Variants in CACNA1C observed in about 807,000 individuals in gnomAD.
CACNA1C encodes the protein voltage-dependent L-type calcium channel subunit alpha-1C.
Under a neutral mutation model 229.0 loss-of-function variants are expected in CACNA1C, and 30 were observed. The observed-to-expected ratio is 0.13, with a 90% CI of 0.10 to 0.18. The LOEUF (loss-of-function observed/expected upper bound fraction) is 0.18, where lower values mean the gene tolerates loss of function less well. Ranked by LOEUF, CACNA1C falls within the 10% of genes least tolerant of loss-of-function variation. CACNA1C has a pLI of 1.00. For missense variants in CACNA1C, 1,658 were observed against 2,845.0 expected (o/e 0.58, Z 9.49); for synonymous variants, 1,114 against 1,132.5 (o/e 0.98, Z 0.33).
Position 2,585,522 on chromosome 12 carries a change from C to A in CACNA1C, c.2460+26C>A. On this transcript the variant is annotated intron_variant, in intron 17 of 46. Coordinates refer to ENST00000399655, the MANE Select transcript of CACNA1C (RefSeq NM_000719.7). The surrounding 1 kb of genome is among the most constrained non-coding windows in gnomAD (Gnocchi z 4.1). ...GTGAGGAGCTGTCTCCTTCCTGGAG[C>A]TGTGAGGCCGGTGCTGGGGAGGGAG... The A allele has an allele frequency of 6.5e-7, 1 of 1,534,540 alleles. No individual in the cohort carries two copies. The highest frequency in any genetic ancestry group is 8.8e-7 in the Non-Finnish European group (1 of 1,137,500).
chr12:2,150,091 G>A (rs933678560), intron 3 of CACNA1C, among the ~76,000 whole-genome samples: 2 of 152,324 alleles, frequency 1.3e-5, no homozygotes, highest in East Asian at 1.9e-4. Context: ...GGCAGCAAGA[G>A]TAGCAGCTCC....
At chr12:2,329,551 A>G (rs973678928) in intron 3 of CACNA1C, among the ~76,000 whole-genome samples, 1 of 152,192 alleles carries the variant, frequency 6.6e-6, no homozygotes, top group African/African-American at 2.4e-5. Context: ...CACATGCCAC[A>G]TGCTCTATCC....
At chr12:1,983,843 T>TA (rs563139361) in intron 1 of CACNA1C, among the ~76,000 whole-genome samples, 1,695 of 148,340 alleles carry the variant, frequency 0.011, 27 homozygotes, top group African/African-American at 0.034. Context: ...ACTGCAGAAT[T>TA]AAAAAAAAAA....
rs1593451617 is a variant in CACNA1C, at chr12:2,344,710, G to A, written c.478-104266G>A. On this transcript the variant is annotated intron_variant, in intron 3 of 46. Coordinates refer to ENST00000399655, the MANE Select transcript of CACNA1C (RefSeq NM_000719.7). ...TGCGCCTATGTGTGTCCCTGTGTGT[G>A]TGGAGGCTGAGACTGCAGGCACTTG... Among the ~76,000 whole-genome samples, 4 of 152,024 alleles carry A rather than the reference G, an allele frequency of 2.6e-5. No individual in the cohort carries two copies. The South Asian group carries it at 6.2e-4, about 24-fold the overall frequency.
rs2097789787 is a variant in CACNA1C at position 2,691,653 on chromosome 12, TC to T, written c.*456del. 2 of 156,804 alleles carry T rather than the reference TC, an allele frequency of 1.3e-5. No individual in the cohort carries two copies. Among genetic ancestry groups the T allele is most frequent in the Non-Finnish European group, 2.8e-5 (2 of 70,984 alleles). The allele number at this position is 156,804 out of a possible 1,614,324, so 9.7% of individuals were successfully genotyped here. On this transcript the variant is annotated 3_prime_UTR_variant, in exon 47 of 47. Coordinates refer to ENST00000399655, the MANE Select transcript of CACNA1C (RefSeq NM_000719.7). ...TTGGAGAAGGGAGCGGGGCAGGACT[TC>T]CAGGAGGACCCCAACCCGGCCCGGA...
chr12:2,019,726 T>G (rs750135479), intron 1 of CACNA1C, among the ~76,000 whole-genome samples: 1 of 152,184 alleles, frequency 6.6e-6, no homozygotes, highest in Non-Finnish European at 1.5e-5. Flanking sequence ...ACAGATTGAT[T>G]TAGTTTTTAG....
rs375071889 is a variant in CACNA1C at position 2,303,412 on chromosome 12, G to A, written c.478-145564G>A. 1.7e-4 allele frequency among the ~76,000 whole-genome samples: 26 copies of A among 152,136 alleles called. No individual in the cohort carries two copies. The East Asian group carries it at 3.1e-3, about 18-fold the overall frequency. On this transcript the variant is annotated intron_variant, in intron 3 of 46. Transcript: ENST00000399655. ...TCACACTTCCCCTTTCTACAAAGAC[G>A]CCATTCATGTTGGATAGGATCCGCC...
intron 3 of CACNA1C, among the ~76,000 whole-genome samples, chr12:2,336,873 T>C (rs921879590): frequency 6.6e-6 from 1 of 151,998 alleles, no homozygotes; most frequent in East Asian, 1.9e-4. Flanking sequence ...TCGGGCAGGG[T>C]TGGGACACAG....
At chr12:2,604,611 T>A (rs952669933) in intron 22 of CACNA1C, among the ~76,000 whole-genome samples, 1 of 152,188 alleles carries the variant, frequency 6.6e-6, no homozygotes, top group Admixed American at 6.5e-5. Flanking sequence ...GTGATTTACA[T>A]AGAATTCTTA....
At chr12:2,472,600 C>CTA (rs557010433) in intron 5 of CACNA1C, among the ~76,000 whole-genome samples, 13,210 of 151,782 alleles carry the variant, frequency 0.087, 750 homozygotes, top group Non-Finnish European at 0.13. Context: ...AGCACTCTCT[C>CTA]TATATATATA....
chr12:1,974,844 G>A (rs1466324131), intron 1 of CACNA1C, among the ~76,000 whole-genome samples: 1 of 152,028 alleles, frequency 6.6e-6, no homozygotes, highest in Non-Finnish European at 1.5e-5. Context: ...TCCTATAATC[G>A]CAGTTTTTGA....
At chr12:2,648,921 C>T (rs2094622038) in intron 31 of CACNA1C, among the ~76,000 whole-genome samples, 1 of 152,154 alleles carries the variant, frequency 6.6e-6, no homozygotes. Flanking sequence ...AAGACAGGTG[C>T]TCTAGGCAGG....
At chr12:2,043,672 A>G (rs55667450) in intron 1 of CACNA1C, among the ~76,000 whole-genome samples, 6,852 of 132,070 alleles carry the variant, frequency 0.052, 242 homozygotes, top group Middle Eastern at 0.093. Flanking sequence ...TTTTTGAGAC[A>G]GAGTCTCGCT....
rs1261063899 is a variant in CACNA1C, at chr12:2,034,130, AC to A, written c.139+62933del. Among the ~76,000 whole-genome samples, 1 of 152,172 alleles carries A rather than the reference AC, an allele frequency of 6.6e-6. No homozygotes were observed. Among genetic ancestry groups the A allele is most frequent in the Non-Finnish European group, 1.5e-5 (1 of 68,032 alleles). On this transcript the variant is annotated intron_variant, in intron 1 of 46. Coordinates refer to the CACNA1C transcript ENST00000682462. The surrounding 1 kb of genome is among the most constrained non-coding windows in gnomAD (Gnocchi z 4.1). ...CTAACTCATTTTAATCCTCACAGCA[AC>A]CCCATGAGGTGGATATCTTTATTCC...
At position 2,582,892 on chromosome 12, in the gene CACNA1C, C is replaced by A; in HGVS notation, c.2174C>A (p.Pro725Gln). ...GIMAYGGPSF[P>Q]GMLVCIYFII... The stretch of plus-strand genomic sequence containing the variant: ...ATGGCTTATGGCGGCCCCTCTTTTC[C>A]AGGGATGTTAGTCTGTATTTACTTC... Residue 725 changes from proline (P) to glutamine (Q), a missense_variant, in exon 15 of 47, where the codon CCA becomes CAA. Transcript: ENST00000399655. 1 of 1,605,956 alleles carries A rather than the reference C, an allele frequency of 6.2e-7. No individual in the cohort carries two copies. The highest frequency in any genetic ancestry group is 8.5e-7 in the Non-Finnish European group (1 of 1,175,564).
rs183055412 is a variant in CACNA1C, at chr12:2,684,496, T to C, written c.5574-1240T>C. On this transcript the variant is annotated intron_variant, in intron 43 of 46. Transcript: ENST00000399655. ...AGCATATATTTTAAACTATTTCGGT[T>C]ATTCTAGAGTGCTTGGTGCACCAGG... Among the ~76,000 whole-genome samples, 69 of 152,326 alleles carry C rather than the reference T, an allele frequency of 4.5e-4. 2 individuals carry two copies. The East Asian group carries it at 0.012, about 26-fold the overall frequency.
intron 3 of CACNA1C, among the ~76,000 whole-genome samples, chr12:2,165,383 C>G (rs75412389): frequency 2.0e-3 from 304 of 152,332 alleles, no homozygotes; most frequent in African/African-American, 6.8e-3. Flanking sequence ...GTACTTGCTT[C>G]TCTTTTTCTA....
intron 1 of CACNA1C, among the ~76,000 whole-genome samples, chr12:2,058,679 C>A (rs990849870): frequency 3.0e-4 from 45 of 152,164 alleles, no homozygotes; most frequent in African/African-American, 1.0e-3. Context: ...TTTACATGTA[C>A]CTCAAGGTTA....
chr12:2,378,967 A>T (rs1404734754), intron 3 of CACNA1C, among the ~76,000 whole-genome samples: 6 of 152,194 alleles, frequency 3.9e-5, no homozygotes, highest in Non-Finnish European at 5.9e-5. Context: ...CATTTAGGAA[A>T]CTACCTAGAG....
Sources: gnomAD v4.1 joint callset for allele counts (sites outside exome capture counted in the v4.1 genomes callset) on GRCh38, gnomAD v4.1.1 for gene constraint, Gnocchi (gnomAD v3.1) non-coding constraint, MANE v1.5 for transcripts, NCBI Gene and HGNC (gene_info 2026-07-23, HGNC 2026-07-21) for gene names.